The following CA5A variants were observed in gnomAD, a reference collection of about 807,000 sequenced individuals.
The protein encoded by CA5A is carbonic anhydrase 5A.
A neutral mutation model predicts 37.1 loss-of-function variants in CA5A; 28 were observed. That is an observed-to-expected ratio of 0.75 (90% CI 0.56 to 1.03). The LOEUF (loss-of-function observed/expected upper bound fraction) is 1.03, where lower values mean the gene tolerates loss of function less well. Ranked by LOEUF, CA5A falls within the 50% of genes least tolerant of loss-of-function variation. CA5A has a pLI of 0.00. For missense variants in CA5A, 444 were observed against 399.9 expected (o/e 1.11, Z -0.94); for synonymous variants, 171 against 158.4 (o/e 1.08, Z -0.60).
intron 2 of CA5A, 106 bp from the exon 3 acceptor site, chr16:87,905,010 G>A (rs2055938908): frequency 1.3e-6 from 1 of 743,416 alleles, no homozygotes; most frequent in Non-Finnish European, 2.5e-6. Flanking sequence ...TCACTCGCAA[G>A]GGGTTGCTGT....
At chr16:87,889,075 A>G (rs2055677547) in intron 6 of CA5A, among the ~76,000 whole-genome samples, 1 of 152,066 alleles carries the variant, frequency 6.6e-6, no homozygotes, top group Non-Finnish European at 1.5e-5. Flanking sequence ...ATGCACCACC[A>G]TGCCCAGTTA....
chr16:87,910,805 A>G (rs2056039329), intron 2 of CA5A, among the ~76,000 whole-genome samples: 1 of 152,022 alleles, frequency 6.6e-6, no homozygotes, highest in Non-Finnish European at 1.5e-5. Flanking sequence ...GCTGGAGTGC[A>G]ATGGCCAGAT....
intron 5 of CA5A, among the ~76,000 whole-genome samples, chr16:87,892,673 CT>C (rs368479550): frequency 0.28 from 36,396 of 128,890 alleles, 5,030 homozygotes; most frequent in Middle Eastern, 0.37. Flanking sequence ...CCATCTTAAC[CT>C]TTTTTTTTTT....
intron 2 of CA5A, among the ~76,000 whole-genome samples, chr16:87,921,910 C>T (rs2056236410): frequency 6.6e-6 from 1 of 151,906 alleles, no homozygotes; most frequent in Non-Finnish European, 1.5e-5. Flanking sequence ...CTGTGTTGCC[C>T]AGGCTGGAGT....
rs117783257 is a variant in CA5A, at chr16:87,925,284, C to T, written c.340+1464G>A. 3.1e-4 allele frequency among the ~76,000 whole-genome samples: 47 copies of T among 152,274 alleles called. No homozygotes were observed. In the East Asian group the frequency reaches 9.1e-3, roughly 29 times the overall value. On this transcript the variant is annotated intron_variant, in intron 2 of 6. Coordinates refer to ENST00000649794, the MANE Select transcript of CA5A (RefSeq NM_001739.2). ...CTAAGCTACATTCAGCAAAAGGACG[C>T]AGAGCGAGATCAGCCACGCGAAGAG...
downstream of CA5A, chr16:87,886,141 A>C (rs1357067849): frequency 7.5e-6 from 1 of 133,294 alleles, no homozygotes. Context: ...GTTCTGGATC[A>C]AGTTTTTTTT....
intron 2 of CA5A, among the ~76,000 whole-genome samples, chr16:87,915,629 C>T (rs527338072): frequency 1.7e-5 from 2 of 116,426 alleles, no homozygotes; most frequent in South Asian, 3.0e-4. Flanking sequence ...GTCGAGGCTG[C>T]AGTGGGCTGT....
At chr16:87,889,077 G>A (rs1464206399) in intron 6 of CA5A, among the ~76,000 whole-genome samples, 1 of 152,058 alleles carries the variant, frequency 6.6e-6, no homozygotes, top group African/African-American at 2.4e-5. Flanking sequence ...GCACCACCAT[G>A]CCCAGTTAAT....
intron 5 of CA5A, among the ~76,000 whole-genome samples, chr16:87,899,218 T>A (rs1486962995): frequency 1.3e-5 from 2 of 151,934 alleles, no homozygotes; most frequent in Non-Finnish European, 2.9e-5. Context: ...GAGAGAGTTG[T>A]TCAAGTCTCT....
intron 1 of CA5A, among the ~76,000 whole-genome samples, chr16:87,934,825 T>G (rs1462242654): frequency 6.6e-6 from 1 of 152,126 alleles, no homozygotes; most frequent in Non-Finnish European, 1.5e-5. Flanking sequence ...TTGGGCGTGG[T>G]GGCACACGCC....
At position 87,888,069 on chromosome 16, in the gene CA5A, T is replaced by G; in HGVS notation, c.*60A>C. On this transcript the variant is annotated 3_prime_UTR_variant, in exon 7 of 7. Transcript: ENST00000649794. Reference sequence around the variant, plus strand: ...TCATGTACAATCACATTGTGAAACTTGGGAAACAACGCTTCCTTCCTTCAA... The same window carrying G: ...TCATGTACAATCACATTGTGAAACTGGGGAAACAACGCTTCCTTCCTTCAA... 8 of 1,526,936 alleles carry G rather than the reference T, an allele frequency of 5.2e-6. No homozygotes were observed. Among genetic ancestry groups the G allele is most frequent in the Non-Finnish European group, 7.1e-6 (8 of 1,133,922 alleles). 94.6% of individuals were successfully genotyped at this position (1,526,936 alleles called of 1,614,324 possible).
intron 2 of CA5A, among the ~76,000 whole-genome samples, chr16:87,921,992 C>T (rs1478233513): frequency 6.6e-6 from 1 of 152,080 alleles, no homozygotes; most frequent in East Asian, 1.9e-4. Flanking sequence ...CTCAGCCTCC[C>T]GAGTAGCTGG....
At chr16:87,904,524 T>C (rs1381591962) in intron 3 of CA5A, among the ~76,000 whole-genome samples, 1 of 152,242 alleles carries the variant, frequency 6.6e-6, no homozygotes, top group African/African-American at 2.4e-5. Flanking sequence ...ATCCCGGCTG[T>C]CTGGCTTTGG....
intron 2 of CA5A, among the ~76,000 whole-genome samples, chr16:87,925,964 T>C (rs1003927531): frequency 4.6e-5 from 7 of 152,234 alleles, no homozygotes; most frequent in Non-Finnish European, 8.8e-5. Context: ...GGCTCACGCC[T>C]GTAACCCCAG....
At chr16:87,921,872 A>G (rs1223985723) in intron 2 of CA5A, among the ~76,000 whole-genome samples, 2 of 121,214 alleles carry the variant, frequency 1.6e-5, no homozygotes, top group African/African-American at 6.3e-5. Context: ...TATTATTATT[A>G]TTATTATTTT....
At chr16:87,891,034 T>C (rs2055705578) in intron 6 of CA5A, among the ~76,000 whole-genome samples, 1 of 151,910 alleles carries the variant, frequency 6.6e-6, no homozygotes, top group Admixed American at 6.6e-5. Flanking sequence ...CCTCAAGTGA[T>C]CTGGCTGCCT....
At chr16:87,900,765 G>A (rs1206534582) in intron 5 of CA5A, among the ~76,000 whole-genome samples, 1 of 152,248 alleles carries the variant, frequency 6.6e-6, no homozygotes, top group Non-Finnish European at 1.5e-5. Flanking sequence ...GTCGGACAGG[G>A]ACGTTCAAGG....
intron 2 of CA5A, among the ~76,000 whole-genome samples, chr16:87,906,168 C>T (rs1030124264): frequency 2.6e-5 from 4 of 152,130 alleles, no homozygotes; most frequent in African/African-American, 9.7e-5. Flanking sequence ...AAGGCGCCAG[C>T]AGAACTGGAG....
intron 2 of CA5A, among the ~76,000 whole-genome samples, chr16:87,912,868 C>A (rs1488497654): frequency 6.6e-6 from 1 of 152,164 alleles, no homozygotes; most frequent in South Asian, 2.1e-4. Context: ...ACGGAACAGG[C>A]GGAAGCACCA....
Sources: allele counts gnomAD v4.1 joint callset (sites outside exome capture counted in the v4.1 genomes callset), GRCh38; gene constraint gnomAD v4.1.1; transcripts MANE v1.5; gene names NCBI Gene and HGNC (gene_info 2026-07-23, HGNC 2026-07-21).